DTNA: variants seen among roughly 807,000 people sequenced by gnomAD.
The protein encoded by DTNA is dystrophin-related protein 3.
DTNA carries 43 observed loss-of-function variants against 100.7 expected under a neutral mutation model. The observed-to-expected ratio is 0.43, with a 90% CI of 0.33 to 0.55. The LOEUF (loss-of-function observed/expected upper bound fraction) is 0.55. Among genes scored for constraint, DTNA ranks in the 20% least tolerant of loss-of-function variants. The probability of loss-of-function intolerance (pLI) is 0.04; values close to 1 mark genes in which losing one functional copy is unlikely to be tolerated. For missense variants in DTNA, 798 were observed against 953.9 expected (o/e 0.84, Z 2.15); for synonymous variants, 349 against 347.9 (o/e 1.00, Z -0.04).
In DTNA at chr18:34,820,880, T is replaced by C. The variant is rs1396806709; in HGVS notation, c.966T>C (p.Asp322=). The part of the protein sequence containing the change: ...SREPLHPMFP[D]QPEKPLNLAH... The stretch of plus-strand genomic sequence containing the variant: ...AACCTTTGCACCCCATGTTCCCAGA[T>C]CAGCCTGAGAAGCCACTCAACTTGG... The change falls in exon 9 of 23, where the codon GAT becomes GAC. Residue 322 remains aspartate (D), a synonymous_variant. Transcript: ENST00000444659. 1 of 1,614,148 alleles carries C rather than the reference T, an allele frequency of 6.2e-7. No homozygotes were observed. Among genetic ancestry groups the C allele is most frequent in the East Asian group, 2.2e-5 (1 of 44,886 alleles).
chr18:34,547,366 A>G (rs972100439), intron 1 of DTNA, among the ~76,000 whole-genome samples: 1 of 152,074 alleles, frequency 6.6e-6, no homozygotes, highest in Non-Finnish European at 1.5e-5. Context: ...AACGTTCATC[A>G]TAAAGAAAGC....
intron 1 of DTNA, among the ~76,000 whole-genome samples, chr18:34,755,070 G>A (rs1224146126): frequency 6.6e-6 from 1 of 152,228 alleles, no homozygotes; most frequent in Admixed American, 6.5e-5. Flanking sequence ...AGAAGTCAGT[G>A]TGGTAGACAT....
At chr18:34,711,597 C>T (rs1483396660) in intron 1 of DTNA, among the ~76,000 whole-genome samples, 2 of 152,104 alleles carry the variant, frequency 1.3e-5, no homozygotes, top group Non-Finnish European at 2.9e-5. Flanking sequence ...CAATTATGTG[C>T]CCTTAATTGG....
chr18:34,826,379 A>G (rs2095858705), intron 9 of DTNA, among the ~76,000 whole-genome samples: 1 of 152,148 alleles, frequency 6.6e-6, no homozygotes, highest in Non-Finnish European at 1.5e-5. Context: ...CCCTAACCCC[A>G]GAGACTTATT....
chr18:34,778,750 C>T (rs994588150), intron 3 of DTNA, among the ~76,000 whole-genome samples: 9 of 152,096 alleles, frequency 5.9e-5, no homozygotes, highest in African/African-American at 2.2e-4. Flanking sequence ...AGTTACTTTA[C>T]AAAACAACCC....
intron 1 of DTNA, among the ~76,000 whole-genome samples, chr18:34,566,258 G>A (rs2047074738): frequency 6.6e-6 from 1 of 151,584 alleles, no homozygotes; most frequent in Non-Finnish European, 1.5e-5. Context: ...GGGTGGCATA[G>A]GAGAGAAGAG....
intron 15 of DTNA, among the ~76,000 whole-genome samples, chr18:34,856,345 G>T (rs1057394166): frequency 2.6e-5 from 4 of 152,228 alleles, no homozygotes; most frequent in South Asian, 2.1e-4. Flanking sequence ...AATCAGATCT[G>T]TGAGTTTAAG....
At chr18:34,735,528 C>A (rs1054716114) in intron 1 of DTNA, among the ~76,000 whole-genome samples, 4 of 152,080 alleles carry the variant, frequency 2.6e-5, no homozygotes, top group Admixed American at 6.5e-5. Flanking sequence ...TTAATGGATT[C>A]TTTTGCTGTT....
At chr18:34,765,062 G>A (rs894666461) in intron 2 of DTNA, among the ~76,000 whole-genome samples, 4 of 152,176 alleles carry the variant, frequency 2.6e-5, no homozygotes, top group African/African-American at 9.6e-5. Flanking sequence ...GGCTACGAGA[G>A]ATTCTGTGGT....
intron 5 of DTNA, among the ~76,000 whole-genome samples, chr18:34,807,777 T>G (rs1354745378): frequency 1.3e-5 from 2 of 150,280 alleles, no homozygotes; most frequent in African/African-American, 4.9e-5. Context: ...TATAGAAAAT[T>G]AAAAACTATC....
intron 1 of DTNA, among the ~76,000 whole-genome samples, chr18:34,496,982 T>C (rs1432644281): frequency 6.6e-6 from 1 of 152,224 alleles, no homozygotes; most frequent in African/African-American, 2.4e-5. Context: ...TCCATGGACA[T>C]GGGGAGGTTT....
intron 1 of DTNA, among the ~76,000 whole-genome samples, chr18:34,579,808 C>T (rs2048446294): frequency 6.6e-6 from 1 of 152,024 alleles, no homozygotes; most frequent in Non-Finnish European, 1.5e-5. Flanking sequence ...TTTGAATTTT[C>T]TTGCTTGGGT....
intron 1 of DTNA, among the ~76,000 whole-genome samples, chr18:34,668,125 G>A (rs1341476502): frequency 6.6e-6 from 1 of 152,182 alleles, no homozygotes; most frequent in African/African-American, 2.4e-5. Context: ...TCTATTCAGA[G>A]ATTCAGCTTC....
At chr18:34,687,994 A>G (rs913233114) in intron 1 of DTNA, among the ~76,000 whole-genome samples, 1 of 151,264 alleles carries the variant, frequency 6.6e-6, no homozygotes, top group African/African-American at 2.4e-5. Context: ...TGTTTGCTTG[A>G]TAAGTCTTCC....
intron 1 of DTNA, among the ~76,000 whole-genome samples, chr18:34,554,975 G>A (rs1259279257): frequency 7.4e-6 from 1 of 135,232 alleles, no homozygotes; most frequent in Non-Finnish European, 1.6e-5. Context: ...TGTACCTCTG[G>A]TAGAATTCGG....
At chr18:34,673,296 A>G (rs1401442279) in intron 1 of DTNA, among the ~76,000 whole-genome samples, 1 of 151,876 alleles carries the variant, frequency 6.6e-6, no homozygotes, top group African/African-American at 2.4e-5. Flanking sequence ...TTCTCTATAC[A>G]ATTTCTGAGA....
chr18:34,732,049 G>A (rs1038753976), intron 1 of DTNA, among the ~76,000 whole-genome samples: 3 of 152,074 alleles, frequency 2.0e-5, no homozygotes, highest in African/African-American at 7.3e-5. Flanking sequence ...CCCTATCCAA[G>A]TTCCATTTAT....
At chr18:34,624,046 C>A (rs560268642) in intron 1 of DTNA, among the ~76,000 whole-genome samples, 1 of 152,072 alleles carries the variant, frequency 6.6e-6, no homozygotes, top group African/African-American at 2.4e-5. Flanking sequence ...TAAAATTACC[C>A]AAAGGCCTAG....
At chr18:34,681,413 A>T (rs1434137946) in intron 1 of DTNA, among the ~76,000 whole-genome samples, 1 of 152,066 alleles carries the variant, frequency 6.6e-6, no homozygotes, top group Non-Finnish European at 1.5e-5. Flanking sequence ...TGTATATCTC[A>T]ATGAATTTTC....
Sources: allele counts gnomAD v4.1 joint callset (sites outside exome capture counted in the v4.1 genomes callset), GRCh38; gene constraint gnomAD v4.1.1; transcripts MANE v1.5; gene names NCBI Gene and HGNC (gene_info 2026-07-23, HGNC 2026-07-21).